XPNPEP3: variants seen among roughly 807,000 people sequenced by gnomAD.
XPNPEP3 encodes xaa-Pro aminopeptidase 3.
Under a neutral mutation model 60.0 loss-of-function variants are expected in XPNPEP3, and 41 were observed. That is an observed-to-expected ratio of 0.68 (90% CI 0.53 to 0.89). The LOEUF (loss-of-function observed/expected upper bound fraction) is 0.89. Ranked by LOEUF, XPNPEP3 falls within the 40% of genes least tolerant of loss-of-function variation. The pLI, the probability that XPNPEP3 is intolerant of heterozygous loss-of-function variation, is 0.00. For synonymous variants in XPNPEP3, 212 were observed against 223.2 expected (o/e 0.95, Z 0.45); for missense variants, 598 against 638.9 (o/e 0.94, Z 0.69).
At chr22:40,908,747 A>G (rs2058165768) in intron 5 of XPNPEP3, among the ~76,000 whole-genome samples, 1 of 152,210 alleles carries the variant, frequency 6.6e-6, no homozygotes, top group Non-Finnish European at 1.5e-5. Context: ...AATAAGAATA[A>G]ACAAATAGTA....
At chr22:40,860,985 ATT>A (rs2057940771) in intron 1 of XPNPEP3, 72 of 1,336,746 alleles carry the variant, frequency 5.4e-5, no homozygotes, top group Non-Finnish European at 6.4e-5. Flanking sequence ...TTAGTATAGT[ATT>A]AAGTGTTATC....
intron 2 of XPNPEP3, among the ~76,000 whole-genome samples, chr22:40,877,259 A>T (rs2058031212): frequency 6.6e-6 from 1 of 152,104 alleles, no homozygotes; most frequent in South Asian, 2.1e-4. Context: ...TTTTTCTTTC[A>T]CCCCATTCTC....
chr22:40,864,501 A>G (rs1601488267), intron 1 of XPNPEP3, among the ~76,000 whole-genome samples: 1 of 152,102 alleles, frequency 6.6e-6, no homozygotes, highest in Non-Finnish European at 1.5e-5. Flanking sequence ...GCTGGAGTGC[A>G]ATGGTGGGGT....
At chr22:40,907,439 A>C (rs570646911) in intron 4 of XPNPEP3, 148 bp from the exon 5 acceptor site, 7 of 759,576 alleles carry the variant, frequency 9.2e-6, no homozygotes, top group Admixed American at 2.4e-5. Flanking sequence ...AACAAAAAAA[A>C]CTGTATTATT....
At chr22:40,908,997 AT>A in intron 5 of XPNPEP3, 124 bp from the exon 6 acceptor site, 1 of 766,406 alleles carries the variant, frequency 1.3e-6, no homozygotes, top group Admixed American at 2.0e-5. Flanking sequence ...GTTAGATATG[AT>A]GAATAGCTTC....
At chr22:40,869,499 CTG>C (rs2057994999) in intron 2 of XPNPEP3, among the ~76,000 whole-genome samples, 1 of 152,104 alleles carries the variant, frequency 6.6e-6, no homozygotes, top group Non-Finnish European at 1.5e-5. Flanking sequence ...TTGTGAATTA[CTG>C]TGTTAAAGAC....
In XPNPEP3 at chr22:40,862,180, A is replaced by G; in HGVS notation, c.64+4935A>G. ...GATTATGTGGCAAGCAGAGTTACAA[A>G]TATGTCAGAGAGGGCTGCATTATGG... On this transcript the variant is annotated intron_variant, in intron 1 of 9. Transcript: ENST00000357137. 3 of 1,401,056 alleles carry G rather than the reference A, an allele frequency of 2.1e-6. No homozygotes were observed. In the East Asian group the frequency reaches 8.3e-5, roughly 39 times the overall value. 86.8% of individuals were successfully genotyped at this position (1,401,056 alleles called of 1,614,324 possible).
At chr22:40,895,447 G>C (rs868583102) in intron 4 of XPNPEP3, among the ~76,000 whole-genome samples, 1 of 151,276 alleles carries the variant, frequency 6.6e-6, no homozygotes, top group African/African-American at 2.4e-5. Flanking sequence ...GTGATTCTCT[G>C]CCTCAGCCTC....
chr22:40,866,843 T>C (rs1003986793), intron 1 of XPNPEP3, among the ~76,000 whole-genome samples: 9 of 152,202 alleles, frequency 5.9e-5, no homozygotes, highest in Non-Finnish European at 7.4e-5. Context: ...TTTAATAAAG[T>C]TAAGCTCCCT....
At chr22:40,908,047 C>T (rs1255469891) in intron 5 of XPNPEP3, among the ~76,000 whole-genome samples, 1 of 152,024 alleles carries the variant, frequency 6.6e-6, no homozygotes, top group Non-Finnish European at 1.5e-5. Context: ...AACCCCATCT[C>T]TACTAAAAAT....
At chr22:40,905,721 C>T (rs2058152164) in intron 4 of XPNPEP3, among the ~76,000 whole-genome samples, 1 of 152,180 alleles carries the variant, frequency 6.6e-6, no homozygotes, top group Non-Finnish European at 1.5e-5. Flanking sequence ...ATATTCCCAC[C>T]ATTGCACCAC....
At chr22:40,891,268 G>A (rs966585732) in intron 4 of XPNPEP3, among the ~76,000 whole-genome samples, 1 of 151,836 alleles carries the variant, frequency 6.6e-6, no homozygotes, top group African/African-American at 2.4e-5. Context: ...GCTGACATGG[G>A]AAGATCACTT....
At chr22:40,891,426 G>A (rs180680960) in intron 4 of XPNPEP3, among the ~76,000 whole-genome samples, 9 of 151,736 alleles carry the variant, frequency 5.9e-5, no homozygotes, top group African/African-American at 1.7e-4. Flanking sequence ...AAGCCGAGGC[G>A]GGCGGATCAC....
At chr22:40,882,722 C>T (rs1052104946) in intron 3 of XPNPEP3, among the ~76,000 whole-genome samples, 9 of 151,682 alleles carry the variant, frequency 5.9e-5, no homozygotes, top group African/African-American at 9.7e-5. Context: ...CCAGCCTAGG[C>T]GACAGAGCAA....
chr22:40,862,193 G>A lies in XPNPEP3; in HGVS notation c.64+4948G>A. The A allele has an allele frequency of 8.0e-6, 11 of 1,379,066 alleles. No individual in the cohort carries two copies. The South Asian group carries it at 1.4e-4, about 17-fold the overall frequency. The allele number at this position is 1,379,066 out of a possible 1,614,324, so 85.4% of individuals were successfully genotyped here. A position where few individuals can be genotyped will look rare whatever the true frequency, so the allele number is the denominator to read the frequency against. On this transcript the variant is annotated intron_variant, in intron 1 of 9. Transcript: ENST00000357137. ...GCAGAGTTACAAATATGTCAGAGAG[G>A]GCTGCATTATGGTGTCATTCTGGGG...
intron 4 of XPNPEP3, among the ~76,000 whole-genome samples, chr22:40,890,693 C>T (rs1209896739): frequency 6.6e-6 from 1 of 152,038 alleles, no homozygotes; most frequent in East Asian, 1.9e-4. Flanking sequence ...ATGGTGAAAC[C>T]CTGTCTCTGC....
In XPNPEP3 at chr22:40,932,497, C is replaced by A. The variant is rs955212830; in HGVS notation, c.*6062C>A. On this transcript the variant is annotated 3_prime_UTR_variant, in exon 10 of 10. Transcript: ENST00000357137. ...ACAGTAGAGCAGAATTTCACTGTTA[C>A]AAACCACATGGGTTCTCCTGGTTGT... The A allele has an allele frequency of 6.6e-6, 1 of 152,114 alleles. No individual in the cohort carries two copies. The highest frequency in any genetic ancestry group is 2.4e-5 in the African/African-American group (1 of 41,420). The allele number at this position is 152,114 out of a possible 1,614,324, so 9.4% of individuals were successfully genotyped here.
At chr22:40,896,791 T>C (rs1385353178) in intron 4 of XPNPEP3, among the ~76,000 whole-genome samples, 2 of 152,172 alleles carry the variant, frequency 1.3e-5, no homozygotes, top group East Asian at 3.9e-4. Context: ...TTGTACTCAA[T>C]AAATAATAAC....
intron 4 of XPNPEP3, among the ~76,000 whole-genome samples, chr22:40,897,208 T>G (rs988566626): frequency 6.6e-6 from 1 of 151,942 alleles, no homozygotes; most frequent in African/African-American, 2.4e-5. Context: ...TTTTGTATTT[T>G]TAGTAGAGAT....
Sources: allele counts gnomAD v4.1 joint callset (sites outside exome capture counted in the v4.1 genomes callset), GRCh38; gene constraint gnomAD v4.1.1; transcripts MANE v1.5; gene names NCBI Gene and HGNC (gene_info 2026-07-23, HGNC 2026-07-21).